Variants in BMP2K observed in about 807,000 individuals in gnomAD.
BMP2K encodes BMP2 inducible kinase.
A neutral mutation model predicts 116.0 loss-of-function variants in BMP2K; 74 were observed. The observed-to-expected ratio is 0.64, with a 90% CI of 0.53 to 0.77. BMP2K has a LOEUF of 0.77. Among genes scored for constraint, BMP2K ranks in the 30% least tolerant of loss-of-function variants. The pLI, the probability that BMP2K is intolerant of heterozygous loss-of-function variation, is 0.00. For synonymous variants in BMP2K, 486 were observed against 502.5 expected (o/e 0.97, Z 0.44); for missense variants, 1,365 against 1,403.6 (o/e 0.97, Z 0.44).
chr4:78,873,254 T>C (rs996072821), intron 13 of BMP2K, among the ~76,000 whole-genome samples: 1 of 152,208 alleles, frequency 6.6e-6, no homozygotes, highest in Non-Finnish European at 1.5e-5. Flanking sequence ...TTTAAGATGA[T>C]ATATAGTATA....
intron 1 of BMP2K, among the ~76,000 whole-genome samples, chr4:78,794,205 A>G (rs1295067892): frequency 6.6e-6 from 1 of 151,476 alleles, no homozygotes. Flanking sequence ...CTTTCTGACA[A>G]TTTGGTAGGC....
intron 2 of BMP2K, among the ~76,000 whole-genome samples, chr4:78,829,568 C>T (rs189199833): frequency 6.6e-6 from 1 of 152,042 alleles, no homozygotes; most frequent in African/African-American, 2.4e-5. Context: ...TTAATGGCAT[C>T]TAGAATGGTG....
intron 15 of BMP2K, among the ~76,000 whole-genome samples, chr4:78,898,051 GA>G (rs1733796896): frequency 6.6e-6 from 1 of 152,198 alleles, no homozygotes; most frequent in Non-Finnish European, 1.5e-5. Context: ...GTTAAGCCCT[GA>G]GAAATGAATG....
Position 78,847,229 on chromosome 4 carries a change from T to C in BMP2K, c.710T>C (p.Leu237Pro). 1 of 1,590,494 alleles carries C rather than the reference T, an allele frequency of 6.3e-7. No homozygotes were observed. The stretch of plus-strand genomic sequence containing the variant: ...TACAGAGCCCCTGAAATGATCAACC[T>C]TTATGGAGGGAAACCCATCACCACC... ...LSYRAPEMIN[L>P]YGGKPITTKA... Residue 237 changes from leucine (L) to proline (P), a missense_variant, in exon 6 of 16, where the codon CTT becomes CCT. Leu to Pro is a moderately conservative substitution (Grantham distance 98, BLOSUM62 -3). This residue lies in a region of BMP2K where 762 missense variants were observed against 756.7 expected (regional missense o/e 1.01). Transcript: ENST00000502613.
chr4:78,846,226 T>C (rs928493374), intron 5 of BMP2K, among the ~76,000 whole-genome samples: 2 of 151,620 alleles, frequency 1.3e-5, no homozygotes, highest in African/African-American at 4.8e-5. Flanking sequence ...TTAATGGACT[T>C]ACCATTCATT....
At chr4:78,776,781 G>A (rs906103049) in intron 1 of BMP2K, 60 bp downstream of exon 1, 154 of 1,206,056 alleles carry the variant, frequency 1.3e-4, no homozygotes, top group Non-Finnish European at 2.6e-5. Flanking sequence ...TGTGGCGGCG[G>A]CTTCTCCGGG....
intron 1 of BMP2K, among the ~76,000 whole-genome samples, chr4:78,780,189 C>T (rs1727437346): frequency 6.6e-6 from 1 of 152,094 alleles, no homozygotes; most frequent in African/African-American, 2.4e-5. Flanking sequence ...ACATTGTTTT[C>T]CCTAAATGTC....
chr4:78,787,712 A>G (rs577447613), intron 1 of BMP2K, among the ~76,000 whole-genome samples: 1 of 152,194 alleles, frequency 6.6e-6, no homozygotes, highest in East Asian at 1.9e-4. Flanking sequence ...GGATTCCTCT[A>G]ACTGAACTGT....
intron 6 of BMP2K, among the ~76,000 whole-genome samples, chr4:78,848,373 A>G (rs1731105753): frequency 6.6e-6 from 1 of 151,562 alleles, no homozygotes; most frequent in Non-Finnish European, 1.5e-5. Flanking sequence ...AATGGCTTAT[A>G]GTAAAGATGA....
chr4:78,838,478 A>G (rs144467699), intron 3 of BMP2K, among the ~76,000 whole-genome samples: 3 of 152,280 alleles, frequency 2.0e-5, no homozygotes, highest in East Asian at 3.9e-4. Flanking sequence ...AGTATGCTCA[A>G]TTTTCTCAAT....
intron 1 of BMP2K, among the ~76,000 whole-genome samples, chr4:78,809,469 C>A (rs1164224110): frequency 6.6e-6 from 1 of 152,086 alleles, no homozygotes; most frequent in Non-Finnish European, 1.5e-5. Context: ...CCTTGACCTC[C>A]TGAACTTAAG....
intron 15 of BMP2K, among the ~76,000 whole-genome samples, chr4:78,894,867 T>C (rs1250819265): frequency 6.6e-6 from 1 of 152,162 alleles, no homozygotes; most frequent in African/African-American, 2.4e-5. Context: ...TTAGAGGCCA[T>C]TGTGGGGTTA....
chr4:78,806,840 CTTTT>C (rs1038770824), intron 1 of BMP2K, among the ~76,000 whole-genome samples: 6 of 128,286 alleles, frequency 4.7e-5, no homozygotes, highest in African/African-American at 1.7e-4. Flanking sequence ...CTTATCTTTT[CTTTT>C]TTTTTTTTTT....
chr4:78,898,645 G>A (rs1469597170), intron 15 of BMP2K, among the ~76,000 whole-genome samples: 3 of 149,130 alleles, frequency 2.0e-5, no homozygotes, highest in African/African-American at 7.4e-5. Context: ...GCGACAGAGC[G>A]AGACTCCATC....
Position 78,872,740 on chromosome 4 carries a change from A to G in BMP2K, c.1735A>G (p.Thr579Ala). 6.2e-7 allele frequency: 1 copy of G among 1,614,146 alleles called. No homozygotes were observed. The highest frequency in any genetic ancestry group is 8.5e-7 in the Non-Finnish European group (1 of 1,180,006). The change falls in exon 13 of 16, where the codon ACT (threonine) becomes GCT (alanine). Residue 579 changes from threonine (T) to alanine (A), a missense_variant. Thr to Ala is a moderately conservative substitution (Grantham distance 58). This residue lies in a region of BMP2K where 762 missense variants were observed against 756.7 expected (regional missense o/e 1.01). Transcript: ENST00000502613. ...GTTCTCACCAGCCTTAGTTTCCTAC[A>G]CTTCATCACTTCCAGCTCAGGTTGG... ...QEFSPALVSY[T>A]SSLPAQVGTI...
intron 1 of BMP2K, among the ~76,000 whole-genome samples, chr4:78,799,444 T>A (rs1728460607): frequency 6.6e-6 from 1 of 152,240 alleles, no homozygotes. Flanking sequence ...TTTTAGTTAC[T>A]TAAATGTTTT....
intron 6 of BMP2K, among the ~76,000 whole-genome samples, chr4:78,848,672 A>T (rs983702309): frequency 2.0e-5 from 3 of 151,474 alleles, no homozygotes; most frequent in Non-Finnish European, 4.4e-5. Context: ...TTTTCCTCAG[A>T]CTTAGTATGC....
chr4:78,813,582 ATCAAC>A (rs2109977023), intron 1 of BMP2K, among the ~76,000 whole-genome samples: 1 of 152,236 alleles, frequency 6.6e-6, no homozygotes, highest in Non-Finnish European at 1.5e-5. Context: ...CCTCAAACTT[ATCAAC>A]CATGCCTCCT....
At chr4:78,888,768 G>C (rs547136837) in intron 15 of BMP2K, among the ~76,000 whole-genome samples, 1 of 152,280 alleles carries the variant, frequency 6.6e-6, no homozygotes, top group East Asian at 1.9e-4. Flanking sequence ...TAGATTTTAA[G>C]CTAATTGAGG....
Sources: allele counts gnomAD v4.1 joint callset (sites outside exome capture counted in the v4.1 genomes callset), GRCh38; gene constraint gnomAD v4.1.1; regional missense constraint gnomAD v4.1.1; transcripts MANE v1.5; gene names NCBI Gene and HGNC (gene_info 2026-07-23, HGNC 2026-07-21).